The following FAM107B variants were observed in gnomAD, a reference collection of about 807,000 sequenced individuals.
FAM107B encodes the protein family with sequence similarity 107 member B.
FAM107B carries 21 observed loss-of-function variants against 31.5 expected under a neutral mutation model. The ratio of observed to expected loss-of-function variants is 0.67; its 90% confidence interval spans 0.47 to 0.96. The LOEUF (loss-of-function observed/expected upper bound fraction) is 0.96, where lower values mean the gene tolerates loss of function less well. Ranked by LOEUF, FAM107B falls within the 40% of genes least tolerant of loss-of-function variation. The pLI is 0.00. For missense variants in FAM107B, 452 were observed against 377.1 expected, an observed-to-expected ratio of 1.20 and a Z score of -1.64; for synonymous variants, 157 against 141.5, an observed-to-expected ratio of 1.11 and a Z score of -0.78.
intron 2 of FAM107B, among the ~76,000 whole-genome samples, chr10:14,616,447 CT>C (rs1208310779): frequency 1.3e-5 from 2 of 152,182 alleles, no homozygotes; most frequent in Non-Finnish European, 2.9e-5. Context: ...TATGCCTGAG[CT>C]GTAATCACAC....
chr10:14,677,417 T>G (rs557085063), intron 1 of FAM107B, among the ~76,000 whole-genome samples: 2 of 152,114 alleles, frequency 1.3e-5, no homozygotes, highest in East Asian at 1.9e-4. Flanking sequence ...GTCAGGAGAT[T>G]GAGACCATCC....
intron 2 of FAM107B, among the ~76,000 whole-genome samples, chr10:14,637,853 A>G (rs1853539441): frequency 6.6e-6 from 1 of 151,980 alleles, no homozygotes; most frequent in African/African-American, 2.4e-5. Context: ...TCTTACCTAC[A>G]CCTGCAAAGA....
At chr10:14,544,254 G>A (rs955618114) in intron 2 of FAM107B, among the ~76,000 whole-genome samples, 4 of 152,110 alleles carry the variant, frequency 2.6e-5, no homozygotes, top group Admixed American at 1.3e-4. Context: ...TACCGTATAC[G>A]ATAAATAAAA....
chr10:14,618,168 G>C (rs1852901502), intron 2 of FAM107B, among the ~76,000 whole-genome samples: 2 of 152,148 alleles, frequency 1.3e-5, no homozygotes, highest in Non-Finnish European at 2.9e-5. Flanking sequence ...ATACAGTTCA[G>C]TCTCCTTCAG....
At chr10:14,768,728 C>T (rs1267918734) in intron 1 of FAM107B, among the ~76,000 whole-genome samples, 1 of 152,170 alleles carries the variant, frequency 6.6e-6, no homozygotes, top group Non-Finnish European at 1.5e-5. Flanking sequence ...CCTCTAAGTC[C>T]ATGCTTTCCA....
rs545591772 is a variant in FAM107B, at chr10:14,764,593, A to G, written c.411+9660T>C. 2.0e-5 allele frequency among the ~76,000 whole-genome samples: 3 copies of G among 152,336 alleles called. No individual in the cohort carries two copies. The South Asian group carries it at 6.2e-4, about 32-fold the overall frequency. ...CAATCTTATATTGGAAAAAGTGTTA[A>G]CTTGAGGAGCCATATTTTCTTTGGA... On this transcript the variant is annotated intron_variant, in intron 1 of 4. Transcript: ENST00000181796.
chr10:14,679,858 C>A (rs1451092018), intron 1 of FAM107B, among the ~76,000 whole-genome samples: 1 of 152,174 alleles, frequency 6.6e-6, no homozygotes, highest in Non-Finnish European at 1.5e-5. Context: ...CGAGGAAAGA[C>A]TAGACTGGTT....
chr10:14,582,303 A>T (rs1272834073), intron 2 of FAM107B, among the ~76,000 whole-genome samples: 2 of 152,184 alleles, frequency 1.3e-5, no homozygotes, highest in African/African-American at 2.4e-5. Flanking sequence ...GGTCTTTCTA[A>T]AAACAGTACC....
At chr10:14,760,353 T>A (rs1833019129) in intron 1 of FAM107B, among the ~76,000 whole-genome samples, 1 of 152,216 alleles carries the variant, frequency 6.6e-6, no homozygotes, top group Admixed American at 6.5e-5. Context: ...ATCGCTTTTA[T>A]GACTGCAGTA....
chr10:14,710,776 G>GA (rs1192550618), intron 1 of FAM107B, among the ~76,000 whole-genome samples: 1 of 151,880 alleles, frequency 6.6e-6, no homozygotes, highest in African/African-American at 2.4e-5. Context: ...TATAAAGAAA[G>GA]AAAAAATATT....
At chr10:14,773,422 G>T (rs1833349663) in intron 1 of FAM107B, among the ~76,000 whole-genome samples, 1 of 152,162 alleles carries the variant, frequency 6.6e-6, no homozygotes, top group Non-Finnish European at 1.5e-5. Flanking sequence ...AGTTTTTTAA[G>T]TCTGGTCCTA....
At chr10:14,580,243 C>G (rs1412502022) in intron 2 of FAM107B, among the ~76,000 whole-genome samples, 1 of 151,834 alleles carries the variant, frequency 6.6e-6, no homozygotes, top group Non-Finnish European at 1.5e-5. Flanking sequence ...GCCTGTAGCC[C>G]CAGCTACTTG....
chr10:14,727,726 A>T (rs192020318), intron 1 of FAM107B, among the ~76,000 whole-genome samples: 12 of 152,076 alleles, frequency 7.9e-5, no homozygotes, highest in Non-Finnish European at 1.5e-4. Flanking sequence ...TCACTTCCCC[A>T]CTCTCCCACC....
chr10:14,667,225 T>C (rs112196030), intron 2 of FAM107B, among the ~76,000 whole-genome samples: 1 of 152,234 alleles, frequency 6.6e-6, no homozygotes, highest in Non-Finnish European at 1.5e-5. Flanking sequence ...CGAAGCTGCA[T>C]ACTTGACCAT....
intron 1 of FAM107B, among the ~76,000 whole-genome samples, chr10:14,761,785 G>T (rs2609816): frequency 0.036 from 5,198 of 143,296 alleles, 297 homozygotes; most frequent in African/African-American, 0.14. Context: ...TTTAGTAGAG[G>T]GGGGGGTTTC....
At chr10:14,689,254 C>T (rs1039952525) in intron 1 of FAM107B, among the ~76,000 whole-genome samples, 4 of 151,732 alleles carry the variant, frequency 2.6e-5, no homozygotes, top group South Asian at 2.1e-4. Flanking sequence ...ATAGTATGCA[C>T]CTGAAGTCCC....
chr10:14,682,581 G>T (rs969699954), intron 1 of FAM107B, among the ~76,000 whole-genome samples: 3 of 152,156 alleles, frequency 2.0e-5, no homozygotes, highest in African/African-American at 7.2e-5. Flanking sequence ...ATGAGCTCAT[G>T]TCCTTTGCAG....
intron 2 of FAM107B, among the ~76,000 whole-genome samples, chr10:14,568,640 G>C (rs1850911907): frequency 6.6e-6 from 1 of 152,270 alleles, no homozygotes; most frequent in African/African-American, 2.4e-5. Flanking sequence ...CTGATCTCTG[G>C]GTTAGACCAG....
chr10:14,759,920 C>T (rs11259314), intron 1 of FAM107B, among the ~76,000 whole-genome samples: 27 of 152,160 alleles, frequency 1.8e-4, no homozygotes, highest in African/African-American at 5.5e-4. Context: ...CCATGTTGGC[C>T]GGGCTGGTCT....
Sources: allele counts gnomAD v4.1 joint callset (sites outside exome capture counted in the v4.1 genomes callset), GRCh38; gene constraint gnomAD v4.1.1; transcripts MANE v1.5; gene names NCBI Gene and HGNC (gene_info 2026-07-23, HGNC 2026-07-21).